The following ZNF148 variants were observed in gnomAD, a reference collection of about 807,000 sequenced individuals.
The protein encoded by ZNF148 is zinc finger protein 148.
ZNF148 carries 7 observed loss-of-function variants against 67.7 expected under a neutral mutation model. The observed-to-expected ratio is 0.10, with a 90% confidence interval of 0.06 to 0.19. The LOEUF is 0.19. Among genes scored for constraint, ZNF148 ranks in the 10% least tolerant of loss-of-function variants. The pLI is 1.00. For missense variants in ZNF148, 583 were observed against 947.1 expected (o/e 0.62, Z 5.05); for synonymous variants, 333 against 330.7 (o/e 1.01, Z -0.08).
rs529165647 is a variant in ZNF148, at chr3:125,256,295, G to C, written c.667+21431C>G. On this transcript the variant is annotated intron_variant, in intron 7 of 8. Transcript: ENST00000360647. The stretch of plus-strand genomic sequence containing the variant: ...AGGCAGGAGAATGGCGTGAACCCAG[G>C]AGGTGGAGCTTGCAGTGAGCCGAGA... Among the ~76,000 whole-genome samples, 3 of 151,640 alleles carry C rather than the reference G, an allele frequency of 2.0e-5. No individual in the cohort carries two copies. The South Asian group carries it at 6.3e-4, about 32-fold the overall frequency.
chr3:125,321,023 T>A (rs1468454596), intron 3 of ZNF148, among the ~76,000 whole-genome samples: 1 of 152,234 alleles, frequency 6.6e-6, no homozygotes, highest in Non-Finnish European at 1.5e-5. Context: ...GAAGAAGTTT[T>A]GTATTTGCTT....
At chr3:125,371,384 G>T (rs1045849117) in intron 1 of ZNF148, among the ~76,000 whole-genome samples, 2 of 102,908 alleles carry the variant, frequency 1.9e-5, no homozygotes, top group African/African-American at 3.7e-5. Context: ...GGGGGGGGGG[G>T]GGCAGGGCGA....
chr3:125,288,678 T>C (rs1189207242), intron 4 of ZNF148, among the ~76,000 whole-genome samples: 2 of 152,096 alleles, frequency 1.3e-5, no homozygotes, highest in Non-Finnish European at 1.5e-5. Flanking sequence ...AAATATCAAG[T>C]AAACCACACA....
At chr3:125,254,503 C>G (rs1936984792) in intron 7 of ZNF148, among the ~76,000 whole-genome samples, 3 of 152,174 alleles carry the variant, frequency 2.0e-5, no homozygotes, top group African/African-American at 7.2e-5. Flanking sequence ...GTGAATCTGT[C>G]TACTTCATTT....
intron 5 of ZNF148, among the ~76,000 whole-genome samples, chr3:125,282,197 G>A (rs1284735985): frequency 1.3e-5 from 2 of 152,110 alleles, no homozygotes; most frequent in Non-Finnish European, 2.9e-5. Flanking sequence ...GCACACTAAC[G>A]CAGGCAAAAT....
At chr3:125,362,690 G>C (rs1184008770) in intron 1 of ZNF148, among the ~76,000 whole-genome samples, 1 of 151,846 alleles carries the variant, frequency 6.6e-6, no homozygotes, top group African/African-American at 2.4e-5. Flanking sequence ...AAGTAGCTGG[G>C]ACTACAAGTG....
At chr3:125,240,534 C>T (rs1039273514) in intron 7 of ZNF148, among the ~76,000 whole-genome samples, 6 of 152,070 alleles carry the variant, frequency 3.9e-5, no homozygotes, top group South Asian at 2.1e-4. Flanking sequence ...GAGGTTCAGG[C>T]GGGAGGATCA....
chr3:125,298,647 CAG>C (rs1939419028), intron 4 of ZNF148, among the ~76,000 whole-genome samples: 1 of 108,636 alleles, frequency 9.2e-6, no homozygotes, highest in Admixed American at 1.3e-4. Context: ...TTTTTTGAGA[CAG>C]AGTCTCACTC....
rs149275597 is a variant in ZNF148, at chr3:125,313,401, G to A, written c.240C>T (p.Leu80=). The change falls in exon 4 of 9, where the codon CTC becomes CTT. Residue 80 remains leucine, a synonymous_variant. Transcript: ENST00000360647. ...TTTTCACTGTCTCCTCATGGACCAT[G>A]AGTTCATCATGTGATATCATATCCT... is the stretch of plus-strand genomic sequence containing the variant. ...RQQDMISHDE[L]MVHEETVKND... 1.4e-5 allele frequency: 22 copies of A among 1,614,104 alleles called. No homozygotes were observed. In the Admixed American group the frequency reaches 2.3e-4, roughly 17 times the overall value.
chr3:125,338,889 C>G (rs772122606), intron 1 of ZNF148: 4 of 152,136 alleles, frequency 2.6e-5, no homozygotes, highest in Non-Finnish European at 5.9e-5. Context: ...ACACTAGGCA[C>G]TGAACACAAT....
intron 7 of ZNF148, among the ~76,000 whole-genome samples, chr3:125,243,912 T>C (rs756663286): frequency 3.3e-5 from 5 of 152,212 alleles, no homozygotes; most frequent in Admixed American, 2.6e-4. Context: ...AAAATTCCCT[T>C]ATTGAGAAAA....
intron 7 of ZNF148, among the ~76,000 whole-genome samples, chr3:125,271,119 C>A (rs1937709016): frequency 6.6e-6 from 1 of 152,160 alleles, no homozygotes; most frequent in Non-Finnish European, 1.5e-5. Context: ...TTCCAACTTT[C>A]CTCACAAAAC....
At chr3:125,259,447 T>G (rs970440584) in intron 7 of ZNF148, among the ~76,000 whole-genome samples, 8 of 152,202 alleles carry the variant, frequency 5.3e-5, no homozygotes, top group African/African-American at 1.9e-4. Context: ...ATGGTGATTT[T>G]TCATAACATT....
intron 7 of ZNF148, among the ~76,000 whole-genome samples, chr3:125,261,563 A>G (rs2107573539): frequency 6.6e-6 from 1 of 152,268 alleles, no homozygotes; most frequent in Non-Finnish European, 1.5e-5. Flanking sequence ...GGGATAGTGA[A>G]AAGGAGGTAG....
intron 7 of ZNF148, among the ~76,000 whole-genome samples, chr3:125,248,695 T>C (rs373866970): frequency 6.6e-6 from 1 of 152,232 alleles, no homozygotes; most frequent in Non-Finnish European, 1.5e-5. Flanking sequence ...TAATTTCATA[T>C]ACACTGTATT....
At chr3:125,341,792 C>G (rs555662526) in intron 1 of ZNF148, among the ~76,000 whole-genome samples, 61 of 151,816 alleles carry the variant, frequency 4.0e-4, no homozygotes, top group African/African-American at 1.4e-3. Flanking sequence ...CTTAGGAGTT[C>G]AAGACCAGCC....
chr3:125,375,028 C>T (rs1309481910), intron 1 of ZNF148, 74 bp downstream of exon 1: 6 of 151,422 alleles, frequency 4.0e-5, no homozygotes, highest in African/African-American at 1.5e-4. Flanking sequence ...CCGCCGCGCG[C>T]TCCCCCCGCG....
intron 5 of ZNF148, among the ~76,000 whole-genome samples, chr3:125,285,134 C>A (rs1938592791): frequency 6.6e-6 from 1 of 152,138 alleles, no homozygotes; most frequent in South Asian, 2.1e-4. Context: ...AATGGTGACA[C>A]AAACTCAAAA....
intron 4 of ZNF148, among the ~76,000 whole-genome samples, chr3:125,300,370 CA>C (rs1939523657): frequency 6.6e-6 from 1 of 152,068 alleles, no homozygotes; most frequent in Non-Finnish European, 1.5e-5. Flanking sequence ...GTGCAAAAAC[CA>C]AAACTACTAC....
Sources: gnomAD v4.1 joint callset for allele counts (sites outside exome capture counted in the v4.1 genomes callset) on GRCh38, gnomAD v4.1.1 for gene constraint, MANE v1.5 for transcripts, NCBI Gene and HGNC (gene_info 2026-07-23, HGNC 2026-07-21) for gene names.